The following CSMD1 variants were observed in gnomAD, a reference collection of about 807,000 sequenced individuals.
CSMD1 encodes CUB and Sushi multiple domains 1.
Under a neutral mutation model 417.5 loss-of-function variants are expected in CSMD1, and 213 were observed. That is an observed-to-expected ratio of 0.51 (90% confidence interval 0.46 to 0.57). CSMD1 has a LOEUF of 0.57. CSMD1 is among the 20% of genes least tolerant of loss of function. The probability of loss-of-function intolerance (pLI) is 0.00; values close to 1 mark genes in which losing one functional copy is unlikely to be tolerated. For synonymous variants in CSMD1, 2,862 were observed against 1,736.8 expected (o/e 1.65, Z -16.11); for missense variants, 6,923 against 4,529.7 (o/e 1.53, Z -15.17).
intron 54 of CSMD1, among the ~76,000 whole-genome samples, chr8:2,979,511 A>T (rs143686853): frequency 6.6e-6 from 1 of 152,270 alleles, no homozygotes; most frequent in Admixed American, 6.5e-5. Context: ...AACTCTGATT[A>T]CCTCATGCTT....
chr8:4,273,734 G>C (rs1482667201), intron 3 of CSMD1, among the ~76,000 whole-genome samples: 1 of 152,028 alleles, frequency 6.6e-6, no homozygotes, highest in Admixed American at 6.6e-5. Context: ...AGACCATCTG[G>C]GTCAAAACAC....
At chr8:3,173,456 G>A (rs1460399) in intron 37 of CSMD1, among the ~76,000 whole-genome samples, 96,647 of 151,948 alleles carry the variant, frequency 0.64, 31,623 homozygotes, top group African/African-American at 0.79. Flanking sequence ...TTAATAGGAC[G>A]CAGGAATGCA....
chr8:4,733,676 T>G (rs1399115007), intron 1 of CSMD1, among the ~76,000 whole-genome samples: 1 of 152,248 alleles, frequency 6.6e-6, no homozygotes, highest in African/African-American at 2.4e-5. Flanking sequence ...TTTTGTTCAC[T>G]GACTACCTAT....
chr8:3,048,549 A>C (rs1811608341), intron 50 of CSMD1, among the ~76,000 whole-genome samples: 1 of 152,200 alleles, frequency 6.6e-6, no homozygotes, highest in Admixed American at 6.5e-5. Flanking sequence ...AAAATAATCC[A>C]GACACAGACC....
At chr8:3,557,091 G>T (rs143204524) in intron 10 of CSMD1, among the ~76,000 whole-genome samples, 1 of 152,260 alleles carries the variant, frequency 6.6e-6, no homozygotes, top group Non-Finnish European at 1.5e-5. Flanking sequence ...CACAATACAG[G>T]CGGCCAAATC....
Position 4,332,572 on chromosome 8 carries a change from C to G in CSMD1, c.415+87381G>C, listed in dbSNP as rs999892794. On this transcript the variant is annotated intron_variant, in intron 3 of 69. Transcript: ENST00000635120. ...TCACATACACACACACACACACACA[C>G]ACACACACACACACACACACACACA... is the stretch of plus-strand genomic sequence containing the variant. Among the ~76,000 whole-genome samples the G allele has an allele frequency of 2.9e-3, 340 of 118,706 alleles. 2 individuals are homozygous for G. Among genetic ancestry groups the G allele is most frequent in the Non-Finnish European group, 3.1e-3 (185 of 58,968 alleles). 77.9% of individuals were successfully genotyped at this position (118,706 alleles called of 152,430 possible).
chr8:4,333,278 T>C (rs971458389), intron 3 of CSMD1, among the ~76,000 whole-genome samples: 1 of 152,184 alleles, frequency 6.6e-6, no homozygotes, highest in Admixed American at 6.5e-5. Flanking sequence ...TGACGCTAAG[T>C]CCTCACCTGA....
At chr8:3,778,836 C>T (rs760614271) in intron 5 of CSMD1, among the ~76,000 whole-genome samples, 2 of 152,130 alleles carry the variant, frequency 1.3e-5, no homozygotes, top group African/African-American at 4.8e-5. Context: ...GTTTATTATT[C>T]CTCATTGAAT....
At chr8:4,211,896 C>A (rs1211784326) in intron 3 of CSMD1, among the ~76,000 whole-genome samples, 1 of 152,164 alleles carries the variant, frequency 6.6e-6, no homozygotes, top group Non-Finnish European at 1.5e-5. Flanking sequence ...AGAAAACATT[C>A]TTCCAACATC....
At chr8:4,566,079 T>G (rs1386482336) in intron 2 of CSMD1, among the ~76,000 whole-genome samples, 2 of 152,122 alleles carry the variant, frequency 1.3e-5, no homozygotes, top group Non-Finnish European at 2.9e-5. Flanking sequence ...AACTCTGTTC[T>G]TCCTCAATGC....
At chr8:4,045,959 G>A (rs982876923) in intron 3 of CSMD1, among the ~76,000 whole-genome samples, 42 of 152,018 alleles carry the variant, frequency 2.8e-4, no homozygotes, top group African/African-American at 9.9e-4. Flanking sequence ...TCAAATCAAA[G>A]TATATTAGAT....
intron 28 of CSMD1, among the ~76,000 whole-genome samples, chr8:3,221,650 C>A (rs1798223550): frequency 6.6e-6 from 1 of 151,918 alleles, no homozygotes; most frequent in Admixed American, 6.6e-5. Flanking sequence ...CTAATTTTGG[C>A]TCCTTTGGAG....
intron 1 of CSMD1, among the ~76,000 whole-genome samples, chr8:4,851,586 A>C (rs764628906): frequency 2.6e-5 from 4 of 152,062 alleles, no homozygotes; most frequent in Non-Finnish European, 5.9e-5. Flanking sequence ...TTCAGTTGGC[A>C]TTCAATAGCC....
intron 1 of CSMD1, among the ~76,000 whole-genome samples, chr8:4,982,107 T>A (rs1810922025): frequency 6.6e-6 from 1 of 152,182 alleles, no homozygotes; most frequent in Non-Finnish European, 1.5e-5. Context: ...CAGGTGGCAA[T>A]GAAGTCCCAG....
chr8:3,229,462 GTGGC>G (rs1798702350), intron 27 of CSMD1, among the ~76,000 whole-genome samples: 1 of 152,038 alleles, frequency 6.6e-6, no homozygotes, highest in Non-Finnish European at 1.5e-5. Context: ...ATTGTCTCAG[GTGGC>G]TATTCAAGCC....
intron 3 of CSMD1, among the ~76,000 whole-genome samples, chr8:4,401,778 C>A (rs1412644432): frequency 1.3e-5 from 2 of 152,152 alleles, no homozygotes; most frequent in Non-Finnish European, 2.9e-5. Context: ...TCCCCGCAGC[C>A]CTGTCCAGCA....
intron 21 of CSMD1, among the ~76,000 whole-genome samples, chr8:3,350,785 G>GA (rs1365135861): frequency 1.3e-5 from 2 of 151,598 alleles, no homozygotes; most frequent in Admixed American, 6.6e-5. Context: ...TCCATGTGAA[G>GA]AAAAAAAATC....
chr8:3,662,754 C>A (rs1221701397), intron 7 of CSMD1, among the ~76,000 whole-genome samples: 1 of 152,082 alleles, frequency 6.6e-6, no homozygotes, highest in Non-Finnish European at 1.5e-5. Context: ...AAACCAAACC[C>A]CGCATGTTCT....
intron 5 of CSMD1, among the ~76,000 whole-genome samples, chr8:3,800,074 G>A (rs373327363): frequency 5.9e-5 from 9 of 152,258 alleles, no homozygotes; most frequent in African/African-American, 1.9e-4. Flanking sequence ...AACATTTGCA[G>A]TTGATGCTAC....
Sources: gnomAD v4.1 joint callset for allele counts (sites outside exome capture counted in the v4.1 genomes callset) on GRCh38, gnomAD v4.1.1 for gene constraint, MANE v1.5 for transcripts, NCBI Gene and HGNC (gene_info 2026-07-23, HGNC 2026-07-21) for gene names.